FCHSD2: variants seen among roughly 807,000 people sequenced by gnomAD.
FCHSD2 encodes F-BAR and double SH3 domains protein 2.
FCHSD2 carries 38 observed loss-of-function variants against 108.1 expected under a neutral mutation model. The ratio of observed to expected loss-of-function variants is 0.35; its 90% CI spans 0.27 to 0.46. The LOEUF (loss-of-function observed/expected upper bound fraction) is 0.46, where lower values mean the gene tolerates loss of function less well. Ranked by LOEUF, FCHSD2 falls within the 20% of genes least tolerant of loss-of-function variation. The probability of loss-of-function intolerance (pLI) is 1.00; values close to 1 mark genes in which losing one functional copy is unlikely to be tolerated. For synonymous variants in FCHSD2, 279 were observed against 314.7 expected (o/e 0.89, Z 1.20); for missense variants, 751 against 897.8 (o/e 0.84, Z 2.09).
chr11:72,960,044 A>G (rs1247699780), intron 8 of FCHSD2, among the ~76,000 whole-genome samples: 3 of 152,204 alleles, frequency 2.0e-5, no homozygotes, highest in African/African-American at 7.2e-5. Context: ...CTGTAAAGGA[A>G]TATGTAAGGC....
At chr11:73,119,082 G>A (rs2135555730) in intron 2 of FCHSD2, among the ~76,000 whole-genome samples, 1 of 152,268 alleles carries the variant, frequency 6.6e-6, no homozygotes, top group East Asian at 1.9e-4. Flanking sequence ...CAGATGGATA[G>A]CTCAAGCTTG....
intron 9 of FCHSD2, among the ~76,000 whole-genome samples, chr11:72,912,167 C>T (rs1236039591): frequency 6.6e-6 from 1 of 152,204 alleles, no homozygotes; most frequent in East Asian, 1.9e-4. Context: ...GTAGCTAGGA[C>T]TTCCAGTACT....
chr11:72,916,142 T>C (rs1410392940), intron 9 of FCHSD2, among the ~76,000 whole-genome samples: 1 of 152,028 alleles, frequency 6.6e-6, no homozygotes, highest in East Asian at 1.9e-4. Flanking sequence ...GATAAAATAA[T>C]GTGTACCAAA....
At chr11:72,858,901 C>T (rs1164528262) in intron 13 of FCHSD2, among the ~76,000 whole-genome samples, 1 of 152,132 alleles carries the variant, frequency 6.6e-6, no homozygotes, top group Non-Finnish European at 1.5e-5. Flanking sequence ...TATGAAAGAA[C>T]AGTTTTCAAG....
At chr11:73,051,915 A>ACACACC (rs1457071559) in intron 3 of FCHSD2, among the ~76,000 whole-genome samples, 2 of 117,538 alleles carry the variant, frequency 1.7e-5, no homozygotes, top group Admixed American at 8.5e-5. Context: ...ACACACACAC[A>ACACACC]CCCCACACAC....
At chr11:73,119,359 GTAAC>G (rs1297006432) in intron 2 of FCHSD2, among the ~76,000 whole-genome samples, 2 of 151,626 alleles carry the variant, frequency 1.3e-5, no homozygotes, top group Non-Finnish European at 2.9e-5. Context: ...TCTGTATTAT[GTAAC>G]TAGTGTATTA....
At chr11:72,860,227 C>G (rs778564239) in intron 13 of FCHSD2, among the ~76,000 whole-genome samples, 1 of 152,128 alleles carries the variant, frequency 6.6e-6, no homozygotes, top group East Asian at 1.9e-4. Flanking sequence ...GGCCATGGAC[C>G]GGTAAAAGGT....
intron 7 of FCHSD2, 139 bp downstream of exon 7, chr11:72,984,923 G>A (rs1857282978): frequency 3.9e-6 from 2 of 515,894 alleles, no homozygotes; most frequent in Admixed American, 3.6e-5. Flanking sequence ...AACTGGGAGG[G>A]AAAGTTCCTC....
rs140145201 is a variant in FCHSD2 at position 72,934,594 on chromosome 11, A to C, written c.706-12644T>G. ...GGTAATCCACTTGCCTCGGCCTCCC[A>C]AAGTGCTGGGATCACAGGCATGAGC... is the stretch of plus-strand genomic sequence containing the variant. On this transcript the variant is annotated intron_variant, in intron 8 of 19. Coordinates refer to ENST00000409418, the MANE Select transcript of FCHSD2 (RefSeq NM_014824.3). 7.3e-3 allele frequency among the ~76,000 whole-genome samples: 1,113 copies of C among 152,236 alleles called. 8 individuals are homozygous for C. Among genetic ancestry groups the C allele is most frequent in the Non-Finnish European group, 0.011 (734 of 68,026 alleles).
intron 10 of FCHSD2, among the ~76,000 whole-genome samples, chr11:72,891,338 G>T (rs1485134473): frequency 6.6e-6 from 1 of 152,178 alleles, no homozygotes; most frequent in African/African-American, 2.4e-5. Context: ...TTGTGATGAG[G>T]CAGGGTTTAA....
intron 2 of FCHSD2, among the ~76,000 whole-genome samples, chr11:73,100,363 TG>T (rs1860194460): frequency 6.6e-6 from 1 of 151,922 alleles, no homozygotes; most frequent in Non-Finnish European, 1.5e-5. Flanking sequence ...TTGTTGTTGT[TG>T]TTGTTGTTGT....
At position 72,837,520 on chromosome 11, in the gene FCHSD2, G is replaced by T. The variant is rs913823777; in HGVS notation, c.*1271C>A. ...GAACATCCCTTAGTCCCTAGGTATT[G>T]TGCTCCCTACCTTCTACAGGAGCGG... On this transcript the variant is annotated 3_prime_UTR_variant, in exon 20 of 20. Transcript: ENST00000409418. The T allele has an allele frequency of 4.6e-5, 7 of 151,490 alleles. No homozygotes were observed. Among genetic ancestry groups the T allele is most frequent in the African/African-American group, 1.5e-4 (6 of 41,272 alleles). The allele number at this position is 151,490 out of a possible 1,614,324, so 9.4% of individuals were successfully genotyped here.
At chr11:72,875,281 A>G (rs1025272433) in intron 12 of FCHSD2, among the ~76,000 whole-genome samples, 1 of 152,242 alleles carries the variant, frequency 6.6e-6, no homozygotes. Context: ...TATCATAGGT[A>G]CTAGGAACTA....
intron 3 of FCHSD2, among the ~76,000 whole-genome samples, chr11:73,030,583 T>C (rs980439813): frequency 1.3e-5 from 2 of 152,188 alleles, no homozygotes; most frequent in African/African-American, 2.4e-5. Flanking sequence ...ACCTTAACTT[T>C]GTAAAGATGG....
chr11:73,077,404 A>T (rs996568966), intron 3 of FCHSD2, among the ~76,000 whole-genome samples: 1 of 152,148 alleles, frequency 6.6e-6, no homozygotes, highest in African/African-American at 2.4e-5. Flanking sequence ...TAAGAAGACT[A>T]TATCTAGTGT....
chr11:72,882,473 T>C (rs982418120), intron 12 of FCHSD2, among the ~76,000 whole-genome samples: 1 of 152,042 alleles, frequency 6.6e-6, no homozygotes, highest in Non-Finnish European at 1.5e-5. Context: ...ATGGGATAAG[T>C]TCTGGTGTTT....
At chr11:73,136,657 A>C (rs1861126745) in intron 2 of FCHSD2, among the ~76,000 whole-genome samples, 1 of 152,236 alleles carries the variant, frequency 6.6e-6, no homozygotes, top group Admixed American at 6.5e-5. Context: ...TAAAGTTGGC[A>C]GGGGGCACTG....
At chr11:72,990,469 A>G (rs1351290189) in intron 5 of FCHSD2, among the ~76,000 whole-genome samples, 1 of 152,226 alleles carries the variant, frequency 6.6e-6, no homozygotes, top group African/African-American at 2.4e-5. Flanking sequence ...AGCACTCCTC[A>G]GCAAATGCAG....
intron 5 of FCHSD2, among the ~76,000 whole-genome samples, chr11:72,998,567 G>C (rs1035303697): frequency 6.6e-6 from 1 of 151,956 alleles, no homozygotes; most frequent in East Asian, 1.9e-4. Flanking sequence ...TTTGGAACAA[G>C]GATTGGGGAA....
Sources: allele counts gnomAD v4.1 joint callset (sites outside exome capture counted in the v4.1 genomes callset), GRCh38; gene constraint gnomAD v4.1.1; transcripts MANE v1.5; gene names NCBI Gene and HGNC (gene_info 2026-07-23, HGNC 2026-07-21).